The following EXOC6B variants were observed in gnomAD, a reference collection of about 807,000 sequenced individuals.
The protein encoded by EXOC6B is SEC15 homolog B.
Under a neutral mutation model 113.5 loss-of-function variants are expected in EXOC6B, and 54 were observed. The ratio of observed to expected loss-of-function variants is 0.48; its 90% CI spans 0.38 to 0.60. The LOEUF is 0.60. EXOC6B is among the 20% of genes least tolerant of loss of function. The pLI, the probability that EXOC6B is intolerant of heterozygous loss-of-function variation, is 0.00. For missense variants in EXOC6B, 797 were observed against 977.5 expected (o/e 0.82, Z 2.46); for synonymous variants, 357 against 339.0 (o/e 1.05, Z -0.58).
intron 19 of EXOC6B, among the ~76,000 whole-genome samples, chr2:72,371,525 G>T (rs1275726278): frequency 1.3e-5 from 2 of 152,084 alleles, no homozygotes; most frequent in African/African-American, 2.4e-5. Flanking sequence ...TGCAAGGATG[G>T]TTCAACATAC....
At chr2:72,640,545 G>A (rs184417142) in intron 6 of EXOC6B, among the ~76,000 whole-genome samples, 1 of 152,114 alleles carries the variant, frequency 6.6e-6, no homozygotes, top group Non-Finnish European at 1.5e-5. Context: ...AGAAGATCAT[G>A]CCCAAGACAC....
At chr2:72,754,515 G>C (rs958969545) in intron 1 of EXOC6B, among the ~76,000 whole-genome samples, 1 of 151,758 alleles carries the variant, frequency 6.6e-6, no homozygotes, top group Non-Finnish European at 1.5e-5. Context: ...TATAGGGTGT[G>C]AGCCACCACA....
chr2:72,209,745 T>C (rs1202546594), intron 20 of EXOC6B, among the ~76,000 whole-genome samples: 1 of 152,198 alleles, frequency 6.6e-6, no homozygotes, highest in Non-Finnish European at 1.5e-5. Flanking sequence ...CATTTTTTGC[T>C]TAAGTAAAGG....
intron 1 of EXOC6B, among the ~76,000 whole-genome samples, chr2:72,787,901 AAAG>A (rs1187015351): frequency 6.6e-6 from 1 of 152,210 alleles, no homozygotes; most frequent in Admixed American, 6.5e-5. Flanking sequence ...AATAGACTAA[AAAG>A]AAGACCCATT....
Position 72,391,735 on chromosome 2 carries a change from T to G in EXOC6B, c.1981-11865A>C, listed in dbSNP as rs138981832. 2.6e-5 allele frequency among the ~76,000 whole-genome samples: 4 copies of G among 152,318 alleles called. No homozygotes were observed. The East Asian group carries it at 7.7e-4, about 29-fold the overall frequency. Reference sequence around the variant, plus strand: ...CTATCTCATATGCTCTTTTCCATTCTTAACATCAAAAATAAAATTTTTAGT... The same window carrying G: ...CTATCTCATATGCTCTTTTCCATTCGTAACATCAAAAATAAAATTTTTAGT... On this transcript the variant is annotated intron_variant, in intron 18 of 21. Transcript: ENST00000272427.
intron 19 of EXOC6B, among the ~76,000 whole-genome samples, chr2:72,365,344 A>G (rs941615509): frequency 3.3e-5 from 5 of 152,184 alleles, no homozygotes; most frequent in African/African-American, 1.2e-4. Flanking sequence ...GTGTGAAAAA[A>G]AAATCCTGGA....
At chr2:72,574,498 G>A (rs1218885497) in intron 7 of EXOC6B, among the ~76,000 whole-genome samples, 2 of 152,124 alleles carry the variant, frequency 1.3e-5, no homozygotes, top group East Asian at 1.9e-4. Context: ...AAGTTTTGGG[G>A]AAGAGAGAAA....
chr2:72,823,459 G>GAAAAAAAAAAAAAAAAACAAAA (rs1686694654), intron 1 of EXOC6B, among the ~76,000 whole-genome samples: 1 of 70,030 alleles, frequency 1.4e-5, no homozygotes, highest in African/African-American at 8.2e-5. Flanking sequence ...AAAGTTTTAA[G>GAAAAAAAAAAAAAAAAACAAAA]AAAAAAAAAA....
chr2:72,184,014 C>T (rs199701910), intron 21 of EXOC6B, 61 bp downstream of exon 21: 309 of 967,560 alleles, frequency 3.2e-4, no homozygotes, highest in Middle Eastern at 7.1e-4. Flanking sequence ...TTATCTTCTA[C>T]GCCAACCCCC....
chr2:72,507,954 G>GA (rs976240447), intron 11 of EXOC6B, among the ~76,000 whole-genome samples: 3,050 of 73,022 alleles, frequency 0.042, 37 homozygotes, highest in Middle Eastern at 0.094. Flanking sequence ...CATTGCTTTA[G>GA]AAAAAAAAAA....
At chr2:72,237,734 CAG>C (rs1331214763) in intron 20 of EXOC6B, among the ~76,000 whole-genome samples, 1 of 152,126 alleles carries the variant, frequency 6.6e-6, no homozygotes, top group Non-Finnish European at 1.5e-5. Context: ...TATATTTCTA[CAG>C]AGTCTGACAT....
rs199688954 is a variant in EXOC6B at position 72,450,521 on chromosome 2, TAAGAC to T, written c.1980+14634_1980+14638del. On this transcript the variant is annotated intron_variant, in intron 18 of 21. Coordinates refer to ENST00000272427, the MANE Select transcript of EXOC6B (RefSeq NM_015189.3). ...TTAACTAATATCAAAAGAGAGTCAA[TAAGAC>T]AAGTAGATATTCATGAGATACCCCT... Among the ~76,000 whole-genome samples the T allele has an allele frequency of 6.3e-3, 953 of 152,282 alleles. 11 individuals carry two copies. The highest frequency in any genetic ancestry group is 0.021 in the African/African-American group (864 of 41,546).
intron 20 of EXOC6B, among the ~76,000 whole-genome samples, chr2:72,277,257 T>C (rs551016732): frequency 2.8e-4 from 42 of 152,242 alleles, no homozygotes; most frequent in Admixed American, 2.4e-3. Context: ...TATATAAAAA[T>C]ATAGAGTCAA....
intron 18 of EXOC6B, among the ~76,000 whole-genome samples, chr2:72,446,529 C>G (rs11695629): frequency 7.0e-4 from 107 of 152,044 alleles, no homozygotes; most frequent in African/African-American, 2.6e-3. Context: ...GAACAGAAAA[C>G]CAAACACCCA....
intron 20 of EXOC6B, among the ~76,000 whole-genome samples, chr2:72,274,365 A>C (rs1181301963): frequency 6.6e-6 from 1 of 152,184 alleles, no homozygotes; most frequent in African/African-American, 2.4e-5. Context: ...GTCCATTTCT[A>C]AGCTTGTGCA....
At chr2:72,582,352 TAAAAAAAC>T (rs1276463139) in intron 6 of EXOC6B, among the ~76,000 whole-genome samples, 1 of 150,978 alleles carries the variant, frequency 6.6e-6, no homozygotes, top group African/African-American at 2.4e-5. Flanking sequence ...TCTCTAACCA[TAAAAAAAC>T]AAAAAAATAA....
intron 19 of EXOC6B, among the ~76,000 whole-genome samples, chr2:72,343,286 G>T (rs187919552): frequency 1.3e-5 from 2 of 152,128 alleles, no homozygotes; most frequent in African/African-American, 4.8e-5. Context: ...AGTTAGCCGG[G>T]TGTGGTGACA....
intron 7 of EXOC6B, among the ~76,000 whole-genome samples, chr2:72,567,385 C>T (rs1704244833): frequency 1.3e-5 from 2 of 151,864 alleles, no homozygotes; most frequent in Middle Eastern, 3.4e-3. Flanking sequence ...ATATAATTAT[C>T]CAAAAGATTA....
At chr2:72,684,303 G>C (rs937011950) in intron 6 of EXOC6B, among the ~76,000 whole-genome samples, 9 of 152,190 alleles carry the variant, frequency 5.9e-5, no homozygotes, top group African/African-American at 2.2e-4. Flanking sequence ...TGACCACCAT[G>C]AGATAACACT....
Sources: gnomAD v4.1 joint callset for allele counts (sites outside exome capture counted in the v4.1 genomes callset) on GRCh38, gnomAD v4.1.1 for gene constraint, MANE v1.5 for transcripts, NCBI Gene and HGNC (gene_info 2026-07-23, HGNC 2026-07-21) for gene names.